The following CCDC85A variants were observed in gnomAD, a reference collection of about 807,000 sequenced individuals.
CCDC85A encodes the protein coiled-coil domain containing 85A.
CCDC85A carries 38 observed loss-of-function variants against 50.2 expected under a neutral mutation model. The ratio of observed to expected loss-of-function variants is 0.76; its 90% CI spans 0.58 to 0.99. The LOEUF is 0.99. Ranked by LOEUF, CCDC85A falls within the 50% of genes least tolerant of loss-of-function variation. The pLI is 0.00. For missense variants in CCDC85A, 820 were observed against 742.0 expected, an observed-to-expected ratio of 1.11 and a Z score of -1.22; for synonymous variants, 366 against 301.4, an observed-to-expected ratio of 1.21 and a Z score of -2.22.
chr2:56,294,284 T>C (rs574304347), intron 2 of CCDC85A, among the ~76,000 whole-genome samples: 1 of 152,112 alleles, frequency 6.6e-6, no homozygotes, highest in South Asian at 2.1e-4. Flanking sequence ...CTGGGGCCTT[T>C]TGGGGGGTGG....
chr2:56,300,607 C>A (rs1205529965), intron 2 of CCDC85A, among the ~76,000 whole-genome samples: 4 of 152,302 alleles, frequency 2.6e-5, no homozygotes, highest in Admixed American at 2.6e-4. Flanking sequence ...TATGCTTAGG[C>A]ATGCTGCTGC....
chr2:56,200,185 G>C (rs1274919860), intron 2 of CCDC85A, among the ~76,000 whole-genome samples: 1 of 152,174 alleles, frequency 6.6e-6, no homozygotes, highest in Non-Finnish European at 1.5e-5. Context: ...CTTGTTGGCT[G>C]AGTCTTGACT....
chr2:56,347,954 G>A (rs1232402928), intron 3 of CCDC85A, among the ~76,000 whole-genome samples: 4 of 152,128 alleles, frequency 2.6e-5, no homozygotes, highest in East Asian at 1.9e-4. Flanking sequence ...GGATGATATA[G>A]AATACCTACC....
At chr2:56,259,510 G>C (rs1280858307) in intron 2 of CCDC85A, among the ~76,000 whole-genome samples, 1 of 152,188 alleles carries the variant, frequency 6.6e-6, no homozygotes, top group Admixed American at 6.5e-5. Flanking sequence ...GGTGGGTGAA[G>C]GTAGAATTAG....
chr2:56,374,005 C>T (rs1411594941), intron 4 of CCDC85A, among the ~76,000 whole-genome samples: 1 of 152,156 alleles, frequency 6.6e-6, no homozygotes, highest in African/African-American at 2.4e-5. Context: ...GATAATTTCC[C>T]TTCCATTAGA....
intron 3 of CCDC85A, among the ~76,000 whole-genome samples, chr2:56,368,001 G>T (rs71414587): frequency 0.036 from 3,630 of 102,104 alleles, 69 homozygotes; most frequent in Non-Finnish European, 0.056. Flanking sequence ...GTCAGATCAA[G>T]AATTTAAACT....
intron 2 of CCDC85A, among the ~76,000 whole-genome samples, chr2:56,194,247 T>G (rs367844683): frequency 6.6e-6 from 1 of 152,236 alleles, no homozygotes; most frequent in South Asian, 2.1e-4. Context: ...TCCACTACAT[T>G]TGCTGAGGCA....
At chr2:56,202,784 A>G (rs1278360858) in intron 2 of CCDC85A, among the ~76,000 whole-genome samples, 1 of 152,226 alleles carries the variant, frequency 6.6e-6, no homozygotes, top group Non-Finnish European at 1.5e-5. Context: ...ACCACTCTTG[A>G]GAATTCAAAT....
At chr2:56,352,007 T>C (rs976927320) in intron 3 of CCDC85A, among the ~76,000 whole-genome samples, 1 of 152,224 alleles carries the variant, frequency 6.6e-6, no homozygotes. Flanking sequence ...AAGTCTTTAA[T>C]CCATCTTGAA....
At chr2:56,230,193 G>A (rs537280838) in intron 2 of CCDC85A, among the ~76,000 whole-genome samples, 1 of 152,214 alleles carries the variant, frequency 6.6e-6, no homozygotes, top group African/African-American at 2.4e-5. Flanking sequence ...CTTGAGGCTG[G>A]ATGAAACTTG....
intron 2 of CCDC85A, among the ~76,000 whole-genome samples, chr2:56,338,904 A>G (rs937927107): frequency 6.6e-6 from 1 of 152,156 alleles, no homozygotes; most frequent in Non-Finnish European, 1.5e-5. Flanking sequence ...TCTGAATGAA[A>G]CAAAACAGCC....
intron 3 of CCDC85A, among the ~76,000 whole-genome samples, chr2:56,364,555 G>A (rs576525421): frequency 6.6e-6 from 1 of 152,104 alleles, no homozygotes; most frequent in African/African-American, 2.4e-5. Context: ...GAGGGTATTC[G>A]TGACAAAGAA....
chr2:56,242,411 G>C (rs1190426709), intron 2 of CCDC85A, among the ~76,000 whole-genome samples: 3 of 152,230 alleles, frequency 2.0e-5, no homozygotes, highest in African/African-American at 7.2e-5. Flanking sequence ...ATGGCAGAAG[G>C]CAAAGGGGGA....
At chr2:56,336,952 A>G (rs1177479257) in intron 2 of CCDC85A, among the ~76,000 whole-genome samples, 1 of 152,188 alleles carries the variant, frequency 6.6e-6, no homozygotes, top group Admixed American at 6.5e-5. Flanking sequence ...CCAATATGAG[A>G]ATTAATGTGG....
upstream of CCDC85A, chr2:56,183,918 C>A: frequency 1.0e-6 from 1 of 985,420 alleles, no homozygotes; most frequent in Non-Finnish European, 1.2e-6. Context: ...CCAGCCCATG[C>A]GGGAGCTGCT....
intron 2 of CCDC85A, among the ~76,000 whole-genome samples, chr2:56,206,375 G>A (rs1676959521): frequency 6.6e-6 from 1 of 152,058 alleles, no homozygotes; most frequent in Non-Finnish European, 1.5e-5. Context: ...TTCATTTTGT[G>A]TTGCTATTCC....
chr2:56,363,863 A>G (rs1356739463), intron 3 of CCDC85A, among the ~76,000 whole-genome samples: 1 of 152,176 alleles, frequency 6.6e-6, no homozygotes, highest in African/African-American at 2.4e-5. Context: ...CCATGCCCTT[A>G]CGCTCCGTGT....
At chr2:56,368,625 C>T (rs1243898758) in intron 3 of CCDC85A, among the ~76,000 whole-genome samples, 1 of 152,064 alleles carries the variant, frequency 6.6e-6, no homozygotes, top group African/African-American at 2.4e-5. Context: ...ACCACTTTAG[C>T]TGATCAATCT....
chr2:56,197,375 C>T (rs560076748), intron 2 of CCDC85A, among the ~76,000 whole-genome samples: 27 of 152,198 alleles, frequency 1.8e-4, no homozygotes, highest in African/African-American at 4.6e-4. Context: ...TCCAGGGTTG[C>T]GGGGGGTTGT....
Sources: allele counts gnomAD v4.1 joint callset (sites outside exome capture counted in the v4.1 genomes callset), GRCh38; gene constraint gnomAD v4.1.1; transcripts MANE v1.5; gene names NCBI Gene and HGNC (gene_info 2026-07-23, HGNC 2026-07-21).